RORA: variants seen among roughly 807,000 people sequenced by gnomAD.
The protein encoded by RORA is nuclear receptor ROR-alpha.
In RORA, 7 loss-of-function variants were observed where a neutral mutation model predicts 69.5. The observed-to-expected ratio is 0.10, with a 90% CI of 0.06 to 0.19. RORA has a LOEUF of 0.19. RORA is among the 10% of genes least tolerant of loss of function. The pLI, the probability that RORA is intolerant of heterozygous loss-of-function variation, is 1.00. For missense variants in RORA, 457 were observed against 663.0 expected (o/e 0.69, Z 3.41); for synonymous variants, 261 against 240.8 (o/e 1.08, Z -0.78).
intron 1 of RORA, among the ~76,000 whole-genome samples, chr15:60,976,856 A>T (rs1566930924): frequency 6.6e-6 from 1 of 152,194 alleles, no homozygotes; most frequent in African/African-American, 2.4e-5. Context: ...CACCTGCAGC[A>T]GCAACAGCAG....
intron 2 of RORA, among the ~76,000 whole-genome samples, chr15:60,627,887 G>A (rs2069633992): frequency 6.6e-6 from 1 of 152,112 alleles, no homozygotes. Context: ...ATACTGAGTT[G>A]CAAATATTTG....
intron 3 of RORA, among the ~76,000 whole-genome samples, chr15:60,526,077 G>A (rs994734894): frequency 2.0e-5 from 3 of 152,186 alleles, no homozygotes; most frequent in Non-Finnish European, 4.4e-5. Flanking sequence ...AAAAAAAGTT[G>A]TTCTTTAGAA....
intron 2 of RORA, among the ~76,000 whole-genome samples, chr15:60,540,584 T>G (rs2066841564): frequency 2.9e-5 from 2 of 68,946 alleles, no homozygotes; most frequent in Non-Finnish European, 5.9e-5. Context: ...CCCAAAACTG[T>G]GCGGTCACAA....
chr15:61,008,197 CTCTCTCTGTG>C (rs760666964), intron 1 of RORA, among the ~76,000 whole-genome samples: 2,801 of 89,172 alleles, frequency 0.031, 40 homozygotes, highest in Non-Finnish European at 0.047. Context: ...AAAATTCTCT[CTCTCTCTGTG>C]TGTGTGTGTG....
intron 1 of RORA, among the ~76,000 whole-genome samples, chr15:60,859,086 G>T (rs1486717675): frequency 6.6e-6 from 1 of 151,788 alleles, no homozygotes; most frequent in African/African-American, 2.4e-5. Context: ...TTTTTACCTA[G>T]GTTCTTGCCT....
intron 1 of RORA, among the ~76,000 whole-genome samples, chr15:60,895,755 G>A (rs1159356558): frequency 6.6e-6 from 1 of 152,206 alleles, no homozygotes; most frequent in Non-Finnish European, 1.5e-5. Flanking sequence ...GTCAAGTACA[G>A]CCTCAGCAAT....
chr15:60,612,661 GTT>G (rs71122864), intron 2 of RORA, among the ~76,000 whole-genome samples: 1,979 of 106,922 alleles, frequency 0.019, 28 homozygotes, highest in African/African-American at 0.059. Context: ...CTCTCTCTCT[GTT>G]TTTTTTTTTT....
At chr15:60,641,991 A>G (rs745901847) in intron 2 of RORA, among the ~76,000 whole-genome samples, 1 of 152,220 alleles carries the variant, frequency 6.6e-6, no homozygotes, top group Non-Finnish European at 1.5e-5. Flanking sequence ...ACCTATTTAG[A>G]GTTTGCTTAG....
chr15:60,502,629 A>C, intron 8 of RORA, 131 bp downstream of exon 8: 1 of 686,994 alleles, frequency 1.5e-6, no homozygotes, highest in Admixed American at 2.5e-5. Flanking sequence ...CTAGAAAGTA[A>C]AATAGGTATA....
intron 2 of RORA, among the ~76,000 whole-genome samples, chr15:60,532,898 C>T (rs538190993): frequency 8.9e-4 from 136 of 152,302 alleles, no homozygotes; most frequent in Admixed American, 2.0e-3. Context: ...ACTGCAAGTG[C>T]CCAAGTCTAT....
At chr15:60,527,280 A>T (rs1020901942) in intron 3 of RORA, among the ~76,000 whole-genome samples, 1 of 152,274 alleles carries the variant, frequency 6.6e-6, no homozygotes, top group Non-Finnish European at 1.5e-5. Flanking sequence ...GTTCACCCTC[A>T]TCATCTGAGC....
intron 1 of RORA, among the ~76,000 whole-genome samples, chr15:61,110,794 C>G (rs762639424): frequency 2.5e-4 from 38 of 152,192 alleles, no homozygotes; most frequent in Non-Finnish European, 4.4e-5. Context: ...TGTCACTTCC[C>G]TGCACTAACC....
At chr15:61,009,236 G>A (rs1895015564) in intron 1 of RORA, among the ~76,000 whole-genome samples, 1 of 152,170 alleles carries the variant, frequency 6.6e-6, no homozygotes, top group Non-Finnish European at 1.5e-5. Context: ...TATAAAAGTA[G>A]CCCATTCCGG....
chr15:60,835,321 G>A (rs544406513), intron 1 of RORA, among the ~76,000 whole-genome samples: 1 of 152,170 alleles, frequency 6.6e-6, no homozygotes, highest in African/African-American at 2.4e-5. Context: ...GTATAGCCTG[G>A]GGCCATGGTA....
At chr15:60,768,223 C>T (rs1005181133) in intron 1 of RORA, among the ~76,000 whole-genome samples, 2 of 152,264 alleles carry the variant, frequency 1.3e-5, no homozygotes, top group Non-Finnish European at 2.9e-5. Flanking sequence ...AATGCACTCA[C>T]TACTTCCAAT....
intron 1 of RORA, among the ~76,000 whole-genome samples, chr15:60,947,178 C>T (rs1334729216): frequency 6.6e-6 from 1 of 152,216 alleles, no homozygotes; most frequent in Admixed American, 6.5e-5. Flanking sequence ...CAGCCGCCAC[C>T]CCGTCTGGGA....
intron 1 of RORA, among the ~76,000 whole-genome samples, chr15:60,757,173 T>C (rs565225423): frequency 7.2e-5 from 11 of 152,306 alleles, no homozygotes; most frequent in Middle Eastern, 3.4e-3. Context: ...CTAGACTCTT[T>C]ATATCTGCCC....
At chr15:60,643,490 G>A (rs563839502) in intron 2 of RORA, among the ~76,000 whole-genome samples, 2 of 152,198 alleles carry the variant, frequency 1.3e-5, no homozygotes, top group South Asian at 4.1e-4. Context: ...TGTGTTCCAA[G>A]AATAACCCTG....
At chr15:60,722,520 C>T (rs75072177) in intron 1 of RORA, among the ~76,000 whole-genome samples, 1,638 of 152,282 alleles carry the variant, frequency 0.011, 30 homozygotes, top group East Asian at 0.064. Flanking sequence ...CCCTGAGGGA[C>T]GTGGATCACC....
Sources: allele counts gnomAD v4.1 joint callset (sites outside exome capture counted in the v4.1 genomes callset), GRCh38; gene constraint gnomAD v4.1.1; transcripts MANE v1.5; gene names NCBI Gene and HGNC (gene_info 2026-07-23, HGNC 2026-07-21).